ATOH8: variants seen among roughly 807,000 people sequenced by gnomAD.
ATOH8 encodes atonal bHLH transcription factor 8.
In ATOH8, 9 loss-of-function variants were observed where a neutral mutation model predicts 21.2. The observed-to-expected ratio is 0.42, with a 90% CI of 0.26 to 0.74. The LOEUF (loss-of-function observed/expected upper bound fraction) is 0.74. ATOH8 is among the 30% of genes least tolerant of loss of function. The pLI, the probability that ATOH8 is intolerant of heterozygous loss-of-function variation, is 0.24. For missense variants in ATOH8, 524 were observed against 470.9 expected (o/e 1.11, Z -1.04); for synonymous variants, 253 against 224.0 (o/e 1.13, Z -1.16).
At chr2:85,781,619 T>C (rs938534403) in intron 2 of ATOH8, among the ~76,000 whole-genome samples, 6 of 150,718 alleles carry the variant, frequency 4.0e-5, no homozygotes, top group Middle Eastern at 3.2e-3. Flanking sequence ...CTCACATCTG[T>C]AATCCTAGCA....
intron 2 of ATOH8, chr2:85,772,603 A>C (rs1680217006): frequency 2.4e-6 from 1 of 422,656 alleles, no homozygotes; most frequent in South Asian, 1.7e-5. Context: ...ATCTGTTCCC[A>C]AAAAACCCTT....
Position 85,785,340 on chromosome 2 carries a change from C to G in ATOH8, c.961-1545C>G, listed in dbSNP as rs1191097713. Among the ~76,000 whole-genome samples, 3 of 152,260 alleles carry G rather than the reference C, an allele frequency of 2.0e-5. No individual in the cohort carries two copies. The highest frequency in any genetic ancestry group is 6.5e-5 in the Admixed American group (1 of 15,290). Reference sequence around the variant, plus strand: ...CCTCCTCAGACTCGGTAACACAAAGCAGATTCCTGCTGGGGCCAGCCATGC... The same window carrying G: ...CCTCCTCAGACTCGGTAACACAAAGGAGATTCCTGCTGGGGCCAGCCATGC... On this transcript the variant is annotated intron_variant, in intron 2 of 2. Coordinates refer to ENST00000306279, the MANE Select transcript of ATOH8 (RefSeq NM_032827.7). The surrounding 1 kb of genome is among the most constrained non-coding windows in gnomAD (Gnocchi z 4.1).
intron 2 of ATOH8, among the ~76,000 whole-genome samples, chr2:85,771,160 A>G (rs371737628): frequency 6.6e-6 from 1 of 152,228 alleles, no homozygotes; most frequent in African/African-American, 2.4e-5. Flanking sequence ...TTTAAGGCAC[A>G]GGAACGCACG....
rs1042123970 is a variant in ATOH8, at chr2:85,786,936, A to G, written c.*46A>G. The stretch of plus-strand genomic sequence containing the variant: ...GGCCACCACTGTGGGCCCTCCTTCC[A>G]GTCAGGCCTGAGGACAAGGTGAGCT... On this transcript the variant is annotated 3_prime_UTR_variant, in exon 3 of 3. Coordinates refer to ENST00000306279, the MANE Select transcript of ATOH8 (RefSeq NM_032827.7). 1 of 1,613,850 alleles carries G rather than the reference A, an allele frequency of 6.2e-7. No homozygotes were observed. Among genetic ancestry groups the G allele is most frequent in the Admixed American group, 1.7e-5 (1 of 59,982 alleles).
chr2:85,772,399 C>T (rs891101983), intron 2 of ATOH8, among the ~76,000 whole-genome samples: 3 of 152,228 alleles, frequency 2.0e-5, no homozygotes, highest in East Asian at 1.9e-4. Flanking sequence ...GTCCCCCGCC[C>T]GGCCGCCGCG....
chr2:85,769,989 A>C (rs1680135443), intron 2 of ATOH8, among the ~76,000 whole-genome samples: 1 of 152,168 alleles, frequency 6.6e-6, no homozygotes, highest in South Asian at 2.1e-4. Flanking sequence ...TTTCTGCTTT[A>C]ATGACTGACC....
In ATOH8 at chr2:85,787,281, C is replaced by G; in HGVS notation, c.*391C>G. On this transcript the variant is annotated 3_prime_UTR_variant, in exon 3 of 3. Coordinates refer to ENST00000306279, the MANE Select transcript of ATOH8 (RefSeq NM_032827.7). Reference sequence around the variant, plus strand: ...CTGTGACTTTTGCTCCTCCTGTTGCCTGAGCCCCATCTCAAGCCAAAGATG... The same window carrying G: ...CTGTGACTTTTGCTCCTCCTGTTGCGTGAGCCCCATCTCAAGCCAAAGATG... 1 of 234,610 alleles carries G rather than the reference C, an allele frequency of 4.3e-6. No individual in the cohort carries two copies. The highest frequency in any genetic ancestry group is 8.4e-6 in the Non-Finnish European group (1 of 119,304). 14.5% of individuals were successfully genotyped at this position (234,610 alleles called of 1,614,324 possible).
At chr2:85,760,078 C>G (rs1679820866) in intron 1 of ATOH8, among the ~76,000 whole-genome samples, 1 of 152,078 alleles carries the variant, frequency 6.6e-6, no homozygotes, top group African/African-American at 2.4e-5. Context: ...GGCTCCCAGG[C>G]CAGTGCTCTT....
rs893212846 is a variant in ATOH8 at position 85,785,074 on chromosome 2, C to A, written c.961-1811C>A. Among the ~76,000 whole-genome samples, 2 of 152,254 alleles carry A rather than the reference C, an allele frequency of 1.3e-5. No individual in the cohort carries two copies. The highest frequency in any genetic ancestry group is 4.8e-5 in the African/African-American group (2 of 41,474). ...GCGGGGACTAAGAGCCAACAGACGG[C>A]TTGGGGCTGGCCCCAGGCTGCCCTG... On this transcript the variant is annotated intron_variant, in intron 2 of 2. Transcript: ENST00000306279. This position sits in a 1 kb window ranked among gnomAD's most constrained non-coding sequence, Gnocchi z 4.1.
At chr2:85,774,738 C>A in intron 2 of ATOH8, 2 of 985,454 alleles carry the variant, frequency 2.0e-6, no homozygotes, top group Non-Finnish European at 2.4e-6. Context: ...ACCTGATAGG[C>A]CCCCCAAGTG....
intron 2 of ATOH8, among the ~76,000 whole-genome samples, chr2:85,776,709 T>C (rs1055921029): frequency 6.6e-6 from 1 of 152,114 alleles, no homozygotes; most frequent in Non-Finnish European, 1.5e-5. Context: ...TCAAAATTGC[T>C]CTACCTGCAC....
chr2:85,779,915 G>A lies in ATOH8; in HGVS notation c.961-6970G>A, dbSNP rs80144883. ...CAGGCCCTGGGAGGATGGGGTGCTC[G>A]TGGTGGAGGTGTGTGGGGTAGGTGA... On this transcript the variant is annotated intron_variant, in intron 2 of 2. Transcript: ENST00000306279. 2.2e-4 allele frequency among the ~76,000 whole-genome samples: 34 copies of A among 152,364 alleles called. No individual in the cohort carries two copies. The East Asian group carries it at 5.6e-3, about 25-fold the overall frequency.
At chr2:85,774,217 C>T (rs1370378772) in intron 2 of ATOH8, 2 of 985,550 alleles carry the variant, frequency 2.0e-6, no homozygotes. Context: ...TCCCCAGCCC[C>T]TGGTATGGCA....
At chr2:85,776,587 G>A (rs980375546) in intron 2 of ATOH8, among the ~76,000 whole-genome samples, 5 of 152,184 alleles carry the variant, frequency 3.3e-5, no homozygotes, top group Admixed American at 6.5e-5. Context: ...TGGCGCGTCC[G>A]TAGGCACCGT....
chr2:85,780,785 G>T (rs542012932), intron 2 of ATOH8, among the ~76,000 whole-genome samples: 1 of 152,166 alleles, frequency 6.6e-6, no homozygotes, highest in African/African-American at 2.4e-5. Flanking sequence ...TTAGACACTC[G>T]GGACCTTGAA....
intron 2 of ATOH8, among the ~76,000 whole-genome samples, chr2:85,783,009 C>A (rs1312562576): frequency 6.6e-6 from 1 of 152,204 alleles, no homozygotes; most frequent in Non-Finnish European, 1.5e-5. Context: ...TGAGATACTG[C>A]TGTGTGTTAG....
At chr2:85,775,139 G>A (rs1680287919) in intron 2 of ATOH8, 3 of 929,260 alleles carry the variant, frequency 3.2e-6, no homozygotes, top group Non-Finnish European at 3.9e-6. Flanking sequence ...ATGTGACATA[G>A]GATGCGATGT....
Position 85,754,413 on chromosome 2 carries a change from C to T in ATOH8, c.224C>T (p.Pro75Leu), listed in dbSNP as rs1679605208. Residue 75 changes from proline (P) to leucine (L), a missense_variant, in exon 1 of 3, where the codon CCG becomes CTG. Pro to Leu is a moderately conservative substitution (Grantham distance 98, BLOSUM62 -3). Coordinates refer to ENST00000306279, the MANE Select transcript of ATOH8 (RefSeq NM_032827.7). ...HRLQPVPVPV[P>L]VPVPVAPAVP... ...CTGCAGCCGGTCCCGGTACCGGTGC[C>T]GGTGCCAGTCCCAGTGGCGCCGGCC... is the stretch of plus-strand genomic sequence containing the variant. 1.9e-6 allele frequency: 3 copies of T among 1,558,074 alleles called. No homozygotes were observed. Among genetic ancestry groups the T allele is most frequent in the Non-Finnish European group, 2.6e-6 (3 of 1,155,378 alleles).
At chr2:85,758,122 C>G (rs1040697624) in intron 1 of ATOH8, among the ~76,000 whole-genome samples, 3 of 152,190 alleles carry the variant, frequency 2.0e-5, no homozygotes, top group Non-Finnish European at 4.4e-5. Flanking sequence ...CTCCAAGGTC[C>G]TCAGGGCTGG....
Sources: allele counts gnomAD v4.1 joint callset (sites outside exome capture counted in the v4.1 genomes callset), GRCh38; gene constraint gnomAD v4.1.1; non-coding constraint Gnocchi (gnomAD v3.1); transcripts MANE v1.5; gene names NCBI Gene and HGNC (gene_info 2026-07-23, HGNC 2026-07-21).